WDR17: variants seen among roughly 807,000 people sequenced by gnomAD.
The protein encoded by WDR17 is WD repeat-containing protein 17.
In WDR17, 143 loss-of-function variants were observed where a neutral mutation model predicts 161.7. The observed-to-expected ratio is 0.88, with a 90% confidence interval of 0.77 to 1.02. The LOEUF is 1.02. Ranked by LOEUF, WDR17 falls within the 50% of genes least tolerant of loss-of-function variation. WDR17 has a pLI of 0.00. For missense variants in WDR17, 1,469 were observed against 1,520.9 expected (o/e 0.97, Z 0.57); for synonymous variants, 517 against 515.6 (o/e 1.00, Z -0.04).
chr4:176,124,998 C>G, intron 4 of WDR17, 106 bp from the exon 5 acceptor site: 1 of 1,290,810 alleles, frequency 7.7e-7, no homozygotes, highest in Non-Finnish European at 1.1e-6. Flanking sequence ...TTTGTATTTT[C>G]AATACCCTCA....
At chr4:176,115,563 G>A (rs1740480584) in intron 2 of WDR17, among the ~76,000 whole-genome samples, 1 of 151,272 alleles carries the variant, frequency 6.6e-6, no homozygotes, top group African/African-American at 2.4e-5. Flanking sequence ...ATTTTTACTT[G>A]TTTTTAAAAT....
intron 8 of WDR17, 109 bp from the exon 9 acceptor site, chr4:176,137,411 A>T (rs1744589151): frequency 1.3e-6 from 1 of 757,000 alleles, no homozygotes; most frequent in Non-Finnish European, 2.1e-6. Flanking sequence ...AAAAAATTAA[A>T]GAACTAGTCT....
chr4:176,084,425 A>G (rs1203717508), intron 1 of WDR17, among the ~76,000 whole-genome samples: 1 of 152,058 alleles, frequency 6.6e-6, no homozygotes, highest in African/African-American at 2.4e-5. Context: ...AGAAGGCATT[A>G]ATCTATTTAT....
At chr4:176,097,690 G>A (rs1289157100) in intron 1 of WDR17, among the ~76,000 whole-genome samples, 1 of 150,764 alleles carries the variant, frequency 6.6e-6, no homozygotes, top group Non-Finnish European at 1.5e-5. Flanking sequence ...TTCAGCTTAT[G>A]AGTTTAATAG....
At chr4:176,169,833 G>A (rs974073484) in intron 23 of WDR17, among the ~76,000 whole-genome samples, 2 of 152,148 alleles carry the variant, frequency 1.3e-5, no homozygotes, top group Admixed American at 6.6e-5. Flanking sequence ...AATTACCAGT[G>A]GGTTGTGAGA....
At position 176,108,511 on chromosome 4, in the gene WDR17, A is replaced by G. The variant is rs1489574045; in HGVS notation, c.-6-3064A>G. Among the ~76,000 whole-genome samples the G allele has an allele frequency of 2.0e-5, 3 of 152,134 alleles. No homozygotes were observed. The East Asian group carries it at 5.8e-4, about 29-fold the overall frequency. On this transcript the variant is annotated intron_variant, in intron 1 of 28. Coordinates refer to ENST00000508596, the MANE Select transcript of WDR17 (RefSeq NM_181265.4). ...TAATGGTGGATACCTATCATTACAC[A>G]TTTGTCAAAACCTGTATGATGGAGA...
chr4:176,102,689 G>A (rs1738008738), intron 1 of WDR17, among the ~76,000 whole-genome samples: 1 of 152,198 alleles, frequency 6.6e-6, no homozygotes, highest in Non-Finnish European at 1.5e-5. Context: ...ATTAAGCCAT[G>A]AAAGGCACTA....
chr4:176,074,434 T>A (rs1733683248), intron 1 of WDR17, among the ~76,000 whole-genome samples: 1 of 151,540 alleles, frequency 6.6e-6, no homozygotes, highest in East Asian at 1.9e-4. Context: ...TTTATATATA[T>A]AATTTACTTA....
intron 22 of WDR17, among the ~76,000 whole-genome samples, chr4:176,167,628 C>T (rs1330705595): frequency 9.7e-6 from 1 of 103,210 alleles, no homozygotes; most frequent in African/African-American, 3.9e-5. Context: ...GCCTGGGCGA[C>T]AGCGAGACTC....
intron 23 of WDR17, among the ~76,000 whole-genome samples, chr4:176,170,461 A>G (rs1201077902): frequency 6.6e-6 from 1 of 151,936 alleles, no homozygotes; most frequent in African/African-American, 2.4e-5. Flanking sequence ...GATTACAGGC[A>G]TGCACCATCA....
chr4:176,087,494 C>T (rs756045068), intron 1 of WDR17, among the ~76,000 whole-genome samples: 2 of 152,082 alleles, frequency 1.3e-5, no homozygotes, highest in Non-Finnish European at 2.9e-5. Flanking sequence ...CTTTAACTTA[C>T]CCTGCTTGGA....
intron 1 of WDR17, among the ~76,000 whole-genome samples, chr4:176,103,355 C>T (rs1738129598): frequency 6.6e-6 from 1 of 151,814 alleles, no homozygotes; most frequent in African/African-American, 2.4e-5. Flanking sequence ...CCAGAGTTAC[C>T]ATATTACTAG....
At chr4:176,069,531 A>G (rs569101032) in intron 1 of WDR17, among the ~76,000 whole-genome samples, 22 of 152,324 alleles carry the variant, frequency 1.4e-4, no homozygotes, top group African/African-American at 3.6e-4. Context: ...TGAAGATGTT[A>G]TAACAGTCAA....
Position 176,106,435 on chromosome 4 carries a change from A to ATGAAATTGGACTCTTACCTAACACC in WDR17, c.-6-5139_-6-5115dup, listed in dbSNP as rs1267333595. Among the ~76,000 whole-genome samples, 27 of 152,282 alleles carry ATGAAATTGGACTCTTACCTAACACC rather than the reference A, an allele frequency of 1.8e-4. No homozygotes were observed. In the East Asian group the frequency reaches 5.2e-3, roughly 29 times the overall value. On this transcript the variant is annotated intron_variant, in intron 1 of 28. Coordinates refer to ENST00000508596, the MANE Select transcript of WDR17 (RefSeq NM_181265.4). ...AAACGAAATATCCACATGCAAAAGAATGAAATTGGACTCTTACCTAACACC... is the reference window on the plus strand; with the variant it reads ...AAACGAAATATCCACATGCAAAAGAATGAAATTGGACTCTTACCTAACACCTGAAATTGGACTCTTACCTAACACC...
chr4:176,145,947 TATATATC>T (rs1476474706), intron 11 of WDR17, 41 bp from the exon 12 acceptor site: 1 of 1,518,816 alleles, frequency 6.6e-7, no homozygotes, highest in East Asian at 2.3e-5. Flanking sequence ...AATTATTAGT[TATATATC>T]ATATTTATCC....
At chr4:176,118,362 G>A (rs1462375786) in intron 3 of WDR17, among the ~76,000 whole-genome samples, 120 of 152,234 alleles carry the variant, frequency 7.9e-4, no homozygotes, top group Non-Finnish European at 2.8e-4. Context: ...TCCATACAGA[G>A]TACCTCATCT....
chr4:176,127,730 TC>T (rs1561142236), intron 5 of WDR17, among the ~76,000 whole-genome samples: 2 of 152,214 alleles, frequency 1.3e-5, no homozygotes, highest in Admixed American at 6.5e-5. Flanking sequence ...ATTACCACTA[TC>T]TAATTAACAT....
intron 25 of WDR17, among the ~76,000 whole-genome samples, chr4:176,173,737 G>C (rs940840319): frequency 8.6e-5 from 13 of 151,912 alleles, no homozygotes; most frequent in Admixed American, 1.3e-4. Flanking sequence ...GGATGGTCTC[G>C]ATCTCCTGAC....
chr4:176,155,181 G>C (rs1452915721), intron 17 of WDR17, among the ~76,000 whole-genome samples: 1 of 151,984 alleles, frequency 6.6e-6, no homozygotes, highest in East Asian at 1.9e-4. Context: ...ATTTTTCAAA[G>C]TACATATTTT....
Sources: allele counts gnomAD v4.1 joint callset (sites outside exome capture counted in the v4.1 genomes callset), GRCh38; gene constraint gnomAD v4.1.1; transcripts MANE v1.5; gene names NCBI Gene and HGNC (gene_info 2026-07-23, HGNC 2026-07-21).